The following ELF5 variants were observed in gnomAD, a reference collection of about 807,000 sequenced individuals.
The protein encoded by ELF5 is ETS-related transcription factor Elf-5.
A neutral mutation model predicts 38.2 loss-of-function variants in ELF5; 31 were observed. The ratio of observed to expected loss-of-function variants is 0.81; its 90% CI spans 0.61 to 1.10. ELF5 has a LOEUF of 1.10. ELF5 is among the 50% of genes least tolerant of loss of function. ELF5 has a pLI of 0.00. For missense variants in ELF5, 300 were observed against 306.6 expected, an observed-to-expected ratio of 0.98 and a Z score of 0.16; for synonymous variants, 121 against 112.5, an observed-to-expected ratio of 1.08 and a Z score of -0.48.
chr11:34,491,308 A>G (rs1564978273), intron 3 of ELF5, among the ~76,000 whole-genome samples: 1 of 152,172 alleles, frequency 6.6e-6, no homozygotes, highest in South Asian at 2.1e-4. Flanking sequence ...TATCTCCACA[A>G]TCTACAATCC....
intron 4 of ELF5, among the ~76,000 whole-genome samples, chr11:34,488,418 C>T (rs10836250): frequency 0.11 from 16,674 of 152,190 alleles, 1,042 homozygotes; most frequent in East Asian, 0.26. Flanking sequence ...TCACCTTTAA[C>T]CTCTAAGCTT....
At chr11:34,496,713 C>G (rs1850330504) in intron 2 of ELF5, among the ~76,000 whole-genome samples, 1 of 152,226 alleles carries the variant, frequency 6.6e-6, no homozygotes, top group African/African-American at 2.4e-5. Context: ...TGCTTGGAGC[C>G]TGGCCTAGCC....
At chr11:34,510,882 A>G (rs1313202264) in intron 1 of ELF5, among the ~76,000 whole-genome samples, 2 of 152,206 alleles carry the variant, frequency 1.3e-5, no homozygotes, top group Admixed American at 6.5e-5. Flanking sequence ...GCGCCAGTAC[A>G]GACAGGGATC....
chr11:34,503,872 A>T (rs1850539169), intron 2 of ELF5, among the ~76,000 whole-genome samples: 1 of 152,254 alleles, frequency 6.6e-6, no homozygotes, highest in Non-Finnish European at 1.5e-5. Context: ...CATTGTGGTC[A>T]TTCCCATTTT....
At chr11:34,506,225 T>A (rs1850611123) in intron 1 of ELF5, among the ~76,000 whole-genome samples, 1 of 152,102 alleles carries the variant, frequency 6.6e-6, no homozygotes, top group Admixed American at 6.5e-5. Context: ...CCGAGCAAAT[T>A]AAGTCAGGAA....
chr11:34,480,002 C>G lies in ELF5; in HGVS notation c.*216G>C, dbSNP rs1420557229. ...CCACAAAAGATCATCCCCTCATCCC[C>G]TTAGGGAGAAGAAAGGATTTCTTAA... is the stretch of plus-strand genomic sequence containing the variant. On this transcript the variant is annotated 3_prime_UTR_variant, in exon 7 of 7. Transcript: ENST00000257832. 3.5e-6 allele frequency: 2 copies of G among 565,202 alleles called. No homozygotes were observed. Among genetic ancestry groups the G allele is most frequent in the Non-Finnish European group, 3.1e-6 (1 of 319,400 alleles). 35.0% of individuals were successfully genotyped at this position (565,202 alleles called of 1,614,324 possible).
At chr11:34,489,303 C>T (rs1850097821) in intron 4 of ELF5, among the ~76,000 whole-genome samples, 1 of 152,146 alleles carries the variant, frequency 6.6e-6, no homozygotes, top group African/African-American at 2.4e-5. Context: ...CAGCTTGCAG[C>T]CCTCAGAGGC....
intron 2 of ELF5, among the ~76,000 whole-genome samples, chr11:34,495,961 C>G (rs1850305796): frequency 6.6e-6 from 1 of 152,246 alleles, no homozygotes; most frequent in Non-Finnish European, 1.5e-5. Context: ...CATTTTTCAG[C>G]TGCGGGCCCT....
At chr11:34,496,276 C>A (rs1465857634) in intron 2 of ELF5, among the ~76,000 whole-genome samples, 1 of 152,238 alleles carries the variant, frequency 6.6e-6, no homozygotes, top group African/African-American at 2.4e-5. Context: ...GGCCTCGGCC[C>A]CTGGAGGGGA....
chr11:34,511,872 T>C, intron 1 of ELF5: 8 of 430,532 alleles, frequency 1.9e-5, no homozygotes, highest in South Asian at 9.6e-5. Context: ...TCTGGGCATG[T>C]GACCAAAAAT....
At chr11:34,489,441 A>G (rs927934276) in intron 4 of ELF5, among the ~76,000 whole-genome samples, 1 of 152,182 alleles carries the variant, frequency 6.6e-6, no homozygotes, top group African/African-American at 2.4e-5. Flanking sequence ...AACTAATAGT[A>G]ATCATCATTG....
intron 2 of ELF5, among the ~76,000 whole-genome samples, chr11:34,505,287 A>G (rs1367324808): frequency 6.6e-6 from 1 of 152,242 alleles, no homozygotes; most frequent in Admixed American, 6.5e-5. Flanking sequence ...ACAGCATACC[A>G]GGTCCTGGGC....
chr11:34,494,170 C>A (rs1330145818), intron 2 of ELF5, among the ~76,000 whole-genome samples: 1 of 152,142 alleles, frequency 6.6e-6, no homozygotes, highest in Admixed American at 6.5e-5. Context: ...ATAATATGCT[C>A]AATGCCCAGG....
chr11:34,498,826 T>C (rs956104610), intron 2 of ELF5, among the ~76,000 whole-genome samples: 2 of 152,186 alleles, frequency 1.3e-5, no homozygotes, highest in South Asian at 4.1e-4. Flanking sequence ...GTGCAGTGGC[T>C]CACACCTGTA....
chr11:34,489,577 T>C (rs1242763720), intron 4 of ELF5, among the ~76,000 whole-genome samples: 2 of 152,208 alleles, frequency 1.3e-5, no homozygotes, highest in Non-Finnish European at 2.9e-5. Flanking sequence ...CGTCTTATAA[T>C]TATAAACTCT....
At chr11:34,496,550 G>A (rs1006237298) in intron 2 of ELF5, among the ~76,000 whole-genome samples, 7 of 152,200 alleles carry the variant, frequency 4.6e-5, no homozygotes, top group Admixed American at 4.6e-4. Context: ...CTCTTTGGAT[G>A]GAACGTGGTC....
intron 2 of ELF5, among the ~76,000 whole-genome samples, chr11:34,497,265 T>C (rs919284827): frequency 8.5e-5 from 13 of 152,330 alleles, no homozygotes; most frequent in African/African-American, 2.9e-4. Context: ...ATTTATAAAA[T>C]AATCTCAACA....
chr11:34,484,841 T>A (rs1849945327), intron 4 of ELF5, among the ~76,000 whole-genome samples: 1 of 152,166 alleles, frequency 6.6e-6, no homozygotes, highest in Non-Finnish European at 1.5e-5. Context: ...GGCTTTCTTC[T>A]GCCTCAGGAC....
At chr11:34,506,628 C>A (rs982789857) in intron 1 of ELF5, among the ~76,000 whole-genome samples, 1 of 152,226 alleles carries the variant, frequency 6.6e-6, no homozygotes, top group East Asian at 1.9e-4. Context: ...ATCCTCCCAC[C>A]TCCACCTCCC....
Sources: allele counts gnomAD v4.1 joint callset (sites outside exome capture counted in the v4.1 genomes callset), GRCh38; gene constraint gnomAD v4.1.1; transcripts MANE v1.5; gene names NCBI Gene and HGNC (gene_info 2026-07-23, HGNC 2026-07-21).